TMOD1: variants seen among roughly 807,000 people sequenced by gnomAD.
The protein encoded by TMOD1 is tropomodulin-1.
In TMOD1, 17 loss-of-function variants were observed where a neutral mutation model predicts 40.6. That is an observed-to-expected ratio of 0.42 (90% CI 0.29 to 0.63). The LOEUF is 0.63. TMOD1 is among the 20% of genes least tolerant of loss of function. The pLI is 0.22. For missense variants in TMOD1, 391 were observed against 447.6 expected (o/e 0.87, Z 1.14); for synonymous variants, 181 against 175.0 (o/e 1.03, Z -0.27).
chr9:97,530,787 CTTT>C (rs57086657), intron 2 of TMOD1, among the ~76,000 whole-genome samples: 1 of 90,898 alleles, frequency 1.1e-5, no homozygotes, highest in Non-Finnish European at 2.0e-5. Context: ...CCGGGCCCGG[CTTT>C]TTTTTTTTTT....
intron 4 of TMOD1, chr9:97,555,556 A>ATAT (rs1830524279): frequency 1.3e-6 from 2 of 1,507,156 alleles, no homozygotes; most frequent in African/African-American, 2.8e-5. Context: ...ATGCTGCCGA[A>ATAT]GTCTGGGAAG....
chr9:97,533,548 C>T (rs988438094), intron 2 of TMOD1, among the ~76,000 whole-genome samples: 7 of 152,184 alleles, frequency 4.6e-5, no homozygotes, highest in Non-Finnish European at 8.8e-5. Flanking sequence ...GATGTGACTG[C>T]CCTGACAGAC....
At chr9:97,525,543 G>T (rs148670038) in intron 2 of TMOD1, among the ~76,000 whole-genome samples, 9 of 152,342 alleles carry the variant, frequency 5.9e-5, no homozygotes, top group East Asian at 3.9e-4. Context: ...ACCCGATGGG[G>T]TGACCTAAGC....
chr9:97,545,552 C>T (rs182331971), intron 2 of TMOD1, among the ~76,000 whole-genome samples: 13 of 152,300 alleles, frequency 8.5e-5, no homozygotes, highest in Admixed American at 2.0e-4. Context: ...AGCACAGACC[C>T]GTCAGGAGGT....
chr9:97,592,967 T>A (rs1826031499), intron 9 of TMOD1, among the ~76,000 whole-genome samples: 1 of 152,182 alleles, frequency 6.6e-6, no homozygotes, highest in South Asian at 2.1e-4. Context: ...CAAACACAAA[T>A]AAGAATCATA....
chr9:97,580,657 G>A (rs560671199), intron 8 of TMOD1, among the ~76,000 whole-genome samples: 2 of 151,296 alleles, frequency 1.3e-5, no homozygotes, highest in African/African-American at 4.8e-5. Context: ...AGGGAGGGAG[G>A]GAACAGAGAG....
chr9:97,565,272 C>T (rs920588976), intron 6 of TMOD1, among the ~76,000 whole-genome samples: 9 of 152,208 alleles, frequency 5.9e-5, no homozygotes, highest in Admixed American at 3.9e-4. Flanking sequence ...TATATACCAA[C>T]GCCCAGGCCT....
At chr9:97,541,065 A>G (rs1364966309) in intron 2 of TMOD1, among the ~76,000 whole-genome samples, 1 of 151,708 alleles carries the variant, frequency 6.6e-6, no homozygotes, top group African/African-American at 2.4e-5. Context: ...CTCATTCTGG[A>G]TTTGATTTGC....
At chr9:97,582,048 G>A (rs531929701) in intron 8 of TMOD1, among the ~76,000 whole-genome samples, 3 of 152,240 alleles carry the variant, frequency 2.0e-5, no homozygotes, top group Non-Finnish European at 4.4e-5. Flanking sequence ...TGCTTTTGGT[G>A]TTTTAGACAT....
At chr9:97,580,005 C>T (rs955337792) in intron 8 of TMOD1, among the ~76,000 whole-genome samples, 4 of 152,058 alleles carry the variant, frequency 2.6e-5, no homozygotes, top group Admixed American at 2.0e-4. Flanking sequence ...ATCAGACTGC[C>T]AGAGATAAAC....
At chr9:97,524,978 A>G (rs1305493147) in intron 2 of TMOD1, among the ~76,000 whole-genome samples, 1 of 152,202 alleles carries the variant, frequency 6.6e-6, no homozygotes, top group Admixed American at 6.5e-5. Context: ...ATGTCTGAGC[A>G]TCCCATGGCC....
intron 2 of TMOD1, among the ~76,000 whole-genome samples, chr9:97,537,257 C>T (rs760793744): frequency 1.8e-4 from 27 of 152,232 alleles, no homozygotes; most frequent in African/African-American, 2.4e-4. Context: ...TGCATGTGTG[C>T]GTGCATGCAT....
intron 8 of TMOD1, among the ~76,000 whole-genome samples, chr9:97,579,942 A>C (rs1435693829): frequency 1.3e-5 from 2 of 152,214 alleles, no homozygotes; most frequent in East Asian, 3.9e-4. Context: ...AGCATTCCAC[A>C]TGGAGGCACA....
intron 2 of TMOD1, among the ~76,000 whole-genome samples, chr9:97,545,877 G>C (rs577876075): frequency 1.3e-5 from 2 of 152,158 alleles, no homozygotes; most frequent in Non-Finnish European, 2.9e-5. Context: ...ACTGGAGTCG[G>C]CTGCCTTGAC....
intron 2 of TMOD1, among the ~76,000 whole-genome samples, chr9:97,528,720 C>T (rs1259747769): frequency 6.6e-6 from 1 of 152,184 alleles, no homozygotes; most frequent in Non-Finnish European, 1.5e-5. Flanking sequence ...CAGGTGTCTG[C>T]CCCTCCCACG....
Position 97,599,849 on chromosome 9 carries a change from T to C in TMOD1, c.*151T>C. 2.8e-6 allele frequency: 4 copies of C among 1,432,474 alleles called. No individual in the cohort carries two copies. Among genetic ancestry groups the C allele is most frequent in the Non-Finnish European group, 3.7e-6 (4 of 1,084,910 alleles). 88.7% of individuals were successfully genotyped at this position (1,432,474 alleles called of 1,614,324 possible). Reference sequence around the variant, plus strand: ...ACTAAGGTTTTAGGTTGACTAGTGGTTGTAGTTGAAAATTTTATAAAATAC... The same window carrying C: ...ACTAAGGTTTTAGGTTGACTAGTGGCTGTAGTTGAAAATTTTATAAAATAC... On this transcript the variant is annotated 3_prime_UTR_variant, in exon 10 of 10. Coordinates refer to ENST00000259365, the MANE Select transcript of TMOD1 (RefSeq NM_003275.4).
chr9:97,553,129 T>C, intron 3 of TMOD1, 152 bp from the exon 4 acceptor site: 1 of 997,580 alleles, frequency 1.0e-6, no homozygotes, highest in East Asian at 2.5e-5. Flanking sequence ...TCCTATTCTT[T>C]GGAGAAGTTG....
chr9:97,553,120 C>T (rs927078193), intron 3 of TMOD1, among the ~76,000 whole-genome samples, 161 bp from the exon 4 acceptor site: 1 of 152,108 alleles, frequency 6.6e-6, no homozygotes, highest in African/African-American at 2.4e-5. Flanking sequence ...ATCCCTGATT[C>T]CTATTCTTTG....
intron 2 of TMOD1, among the ~76,000 whole-genome samples, chr9:97,536,842 A>G: frequency 6.6e-6 from 1 of 152,152 alleles, no homozygotes; most frequent in East Asian, 1.9e-4. Context: ...CAGAGCCCAG[A>G]CCCAGGGGTC....
Sources: gnomAD v4.1 joint callset for allele counts (sites outside exome capture counted in the v4.1 genomes callset) on GRCh38, gnomAD v4.1.1 for gene constraint, MANE v1.5 for transcripts, NCBI Gene and HGNC (gene_info 2026-07-23, HGNC 2026-07-21) for gene names.